MARCHF1: variants seen among roughly 807,000 people sequenced by gnomAD.
MARCHF1 encodes the protein membrane associated ring-CH-type finger 1.
Under a neutral mutation model 54.2 loss-of-function variants are expected in MARCHF1, and 40 were observed. The observed-to-expected ratio is 0.74, with a 90% CI of 0.57 to 0.96. The LOEUF is 0.96. MARCHF1 is among the 40% of genes least tolerant of loss of function. The pLI is 0.00. For missense variants in MARCHF1, 586 were observed against 656.5 expected, an observed-to-expected ratio of 0.89 and a Z score of 1.17; for synonymous variants, 236 against 236.3, an observed-to-expected ratio of 1.00 and a Z score of 0.01.
intron 4 of MARCHF1, among the ~76,000 whole-genome samples, chr4:163,744,808 T>A (rs1208764630): frequency 1.3e-5 from 2 of 152,168 alleles, no homozygotes; most frequent in Non-Finnish European, 2.9e-5. Flanking sequence ...AAAAATATTT[T>A]AAATACAGTA....
intron 2 of MARCHF1, among the ~76,000 whole-genome samples, chr4:164,047,079 TAAAC>T (rs1218996804): frequency 6.6e-6 from 1 of 152,150 alleles, no homozygotes; most frequent in Non-Finnish European, 1.5e-5. Flanking sequence ...ATATTTGAAA[TAAAC>T]AAAATTTGCT....
At chr4:163,937,548 C>T (rs561178061) in intron 3 of MARCHF1, among the ~76,000 whole-genome samples, 9 of 151,902 alleles carry the variant, frequency 5.9e-5, no homozygotes, top group African/African-American at 2.2e-4. Flanking sequence ...TGCATGCACA[C>T]ATACACACAC....
chr4:164,326,624 C>T (rs1383722157), intron 1 of MARCHF1, among the ~76,000 whole-genome samples: 2 of 152,144 alleles, frequency 1.3e-5, no homozygotes, highest in South Asian at 2.1e-4. Flanking sequence ...GTATTTGCTA[C>T]TATGTAGAGC....
intron 1 of MARCHF1, among the ~76,000 whole-genome samples, chr4:164,158,408 A>G (rs1348728591): frequency 6.6e-6 from 1 of 152,172 alleles, no homozygotes; most frequent in Non-Finnish European, 1.5e-5. Flanking sequence ...TGGGAGGCCA[A>G]GGCAGGTGGA....
At chr4:163,747,014 A>C (rs10517784) in intron 4 of MARCHF1, among the ~76,000 whole-genome samples, 10,724 of 152,230 alleles carry the variant, frequency 0.07, 613 homozygotes, top group African/African-American at 0.16. Flanking sequence ...TTTCTAGTAC[A>C]ACACTTTGCT....
intron 5 of MARCHF1, among the ~76,000 whole-genome samples, chr4:163,653,268 G>A (rs547970117): frequency 1.3e-5 from 2 of 151,866 alleles, no homozygotes; most frequent in East Asian, 1.9e-4. Context: ...AGCAGAGCAG[G>A]TGAGAGACAG....
At chr4:164,055,443 C>CAAAA (rs55924377) in intron 2 of MARCHF1, among the ~76,000 whole-genome samples, 7 of 138,976 alleles carry the variant, frequency 5.0e-5, no homozygotes, top group Non-Finnish European at 1.1e-4. Context: ...CACCCTGTCT[C>CAAAA]AAAAAAAAAA....
At position 164,072,243 on chromosome 4, in the gene MARCHF1, G is replaced by A. The variant is rs182044745; in HGVS notation, c.-248+39345C>T. Among the ~76,000 whole-genome samples, 6 of 152,126 alleles carry A rather than the reference G, an allele frequency of 3.9e-5. No individual in the cohort carries two copies. The East Asian group carries it at 7.7e-4, about 20-fold the overall frequency. On this transcript the variant is annotated intron_variant, in intron 2 of 9. Transcript: ENST00000514618. ...AATATAAAAAACATTATAATTTCCCGTCATTTATTCATGTTTTCTCATCAG... is the reference window on the plus strand; with the variant it reads ...AATATAAAAAACATTATAATTTCCCATCATTTATTCATGTTTTCTCATCAG...
Position 163,585,921 on chromosome 4 carries a change from T to C in MARCHF1, c.1019A>G (p.His340Arg). Residue 340 changes from histidine (H) to arginine (R), a missense_variant, in exon 8 of 10, where the codon CAC becomes CGC. By Grantham distance (29) the His-to-Arg change is conservative (BLOSUM62 0). Around this residue, in one of 3 missense-constraint regions of MARCHF1, gnomAD observed 93 missense variants for 168.2 expected, o/e 0.55. Coordinates refer to ENST00000514618, the MANE Select transcript of MARCHF1 (RefSeq NM_001394959.1). ...SDNLEVCRICHCEGDEESPLI... is the reference protein window; with the variant it reads ...SDNLEVCRICRCEGDEESPLI... ...GGGGCTCTCTTCATCCCCTTCGCAG[T>C]GACAGATTCTGCAGAAAGACACAGC... 2 of 1,603,004 alleles carry C rather than the reference T, an allele frequency of 1.2e-6. No individual in the cohort carries two copies. The highest frequency in any genetic ancestry group is 8.5e-7 in the Non-Finnish European group (1 of 1,175,420).
intron 3 of MARCHF1, among the ~76,000 whole-genome samples, chr4:163,951,529 T>C (rs189980488): frequency 1.5e-3 from 234 of 152,334 alleles, no homozygotes; most frequent in Middle Eastern, 6.8e-3. Context: ...GTCTGAATGA[T>C]TGACTGAAGC....
chr4:164,029,675 A>C (rs891602765), intron 2 of MARCHF1, among the ~76,000 whole-genome samples: 1 of 151,940 alleles, frequency 6.6e-6, no homozygotes, highest in Non-Finnish European at 1.5e-5. Context: ...GCTCACTGCA[A>C]CCTCTGCCTC....
intron 8 of MARCHF1, among the ~76,000 whole-genome samples, chr4:163,573,333 T>A (rs1044389311): frequency 9.5e-5 from 14 of 148,124 alleles, no homozygotes; most frequent in Admixed American, 4.8e-4. Context: ...TTATTATACT[T>A]TAAGTTTTAG....
At chr4:164,250,944 G>A (rs1287401253) in intron 1 of MARCHF1, among the ~76,000 whole-genome samples, 1 of 151,906 alleles carries the variant, frequency 6.6e-6, no homozygotes, top group Non-Finnish European at 1.5e-5. Context: ...TTTTGATGTT[G>A]GTTTTGTTTT....
At chr4:164,109,907 A>G (rs1356885704) in intron 2 of MARCHF1, among the ~76,000 whole-genome samples, 3 of 129,934 alleles carry the variant, frequency 2.3e-5, no homozygotes, top group African/African-American at 2.8e-5. Context: ...AACCTAAAAT[A>G]AAAGTAAAAA....
chr4:164,042,223 A>G (rs2111021744), intron 2 of MARCHF1, among the ~76,000 whole-genome samples: 1 of 152,302 alleles, frequency 6.6e-6, no homozygotes, highest in Non-Finnish European at 1.5e-5. Context: ...CAGGCTGAAC[A>G]AGTAGGGATT....
chr4:163,743,577 C>CTT lies in MARCHF1; in HGVS notation c.112-42716_112-42715dup, dbSNP rs34675962. 5.0e-3 allele frequency among the ~76,000 whole-genome samples: 612 copies of CTT among 122,662 alleles called. 16 individuals are homozygous for CTT. Among genetic ancestry groups the CTT allele is most frequent in the Non-Finnish European group, 6.6e-3 (395 of 59,792 alleles). The allele number at this position is 122,662 out of a possible 152,430, so 80.5% of individuals were successfully genotyped here. A position where few individuals can be genotyped will look rare whatever the true frequency, so the allele number is the denominator to read the frequency against. On this transcript the variant is annotated intron_variant, in intron 4 of 9. Transcript: ENST00000514618. ...AAGCAATGGAAAGATGATACACCAT[C>CTT]TTTTTTTTTTTTTTTTTTTGAGACA...
chr4:164,014,579 T>C (rs1321993926), intron 2 of MARCHF1, among the ~76,000 whole-genome samples: 2 of 152,092 alleles, frequency 1.3e-5, no homozygotes, highest in African/African-American at 2.4e-5. Flanking sequence ...TGGACAAAAT[T>C]ATTCAAAAGA....
intron 9 of MARCHF1, among the ~76,000 whole-genome samples, chr4:163,544,752 T>C (rs1297997520): frequency 2.0e-5 from 3 of 152,220 alleles, no homozygotes; most frequent in Admixed American, 2.0e-4. Context: ...TCTCTGGGTG[T>C]AGGGATGTGC....
intron 4 of MARCHF1, among the ~76,000 whole-genome samples, chr4:163,752,821 C>T (rs1488385316): frequency 6.6e-6 from 1 of 152,190 alleles, no homozygotes; most frequent in Admixed American, 6.5e-5. Flanking sequence ...CCTATTCCCA[C>T]TATGTTGTTG....
Sources: allele counts gnomAD v4.1 joint callset (sites outside exome capture counted in the v4.1 genomes callset), GRCh38; gene constraint gnomAD v4.1.1; regional missense constraint gnomAD v4.1.1; transcripts MANE v1.5; gene names NCBI Gene and HGNC (gene_info 2026-07-23, HGNC 2026-07-21).